FARS2: variants seen among roughly 807,000 people sequenced by gnomAD.
The protein encoded by FARS2 is phenylalanyl-tRNA synthetase 2, mitochondrial, also known as phenylalanine--tRNA ligase, mitochondrial.
FARS2 carries 40 observed loss-of-function variants against 46.4 expected under a neutral mutation model. The observed-to-expected ratio is 0.86, with a 90% confidence interval of 0.67 to 1.12. The LOEUF (loss-of-function observed/expected upper bound fraction) is 1.12, where lower values mean the gene tolerates loss of function less well. FARS2 is among the 50% of genes most tolerant of loss of function. The pLI is 0.00. For missense variants in FARS2, 513 were observed against 567.9 expected, an observed-to-expected ratio of 0.90 and a Z score of 0.98; for synonymous variants, 234 against 214.9, an observed-to-expected ratio of 1.09 and a Z score of -0.78.
At chr6:5,639,140 C>G (rs531888507) in intron 6 of FARS2, among the ~76,000 whole-genome samples, 1 of 152,376 alleles carries the variant, frequency 6.6e-6, no homozygotes, top group Admixed American at 6.5e-5. Context: ...CTCTGAGCCA[C>G]TGATGTAATA....
chr6:5,414,811 GTTTTTTTTTTT>G (rs35210878), intron 3 of FARS2, among the ~76,000 whole-genome samples: 3,052 of 86,778 alleles, frequency 0.035, 63 homozygotes, highest in South Asian at 0.13. Context: ...GTATATGACT[GTTTTTTTTTTT>G]TTTTTTTTTT....
chr6:5,699,216 C>A (rs1334159690), intron 6 of FARS2, among the ~76,000 whole-genome samples: 1 of 152,188 alleles, frequency 6.6e-6, no homozygotes, highest in East Asian at 1.9e-4. Context: ...TTCTCAAGCC[C>A]TTCTCTTGTT....
chr6:5,771,369 C>A lies in FARS2; in HGVS notation c.1296C>A (p.His432Gln). 6.2e-7 allele frequency: 1 copy of A among 1,614,252 alleles called. No individual in the cohort carries two copies. Among genetic ancestry groups the A allele is most frequent in the Non-Finnish European group, 8.5e-7 (1 of 1,180,040 alleles). ...CTCTGTCCCAGAGAGAGGTCAGGCACATCCACCAGGCCTTGCAGGAGGCTG... is the reference window on the plus strand; with the variant it reads ...CTCTGTCCCAGAGAGAGGTCAGGCAAATCCACCAGGCCTTGCAGGAGGCTG... The part of the protein sequence containing the change: ...ERTLSQREVR[H>Q]IHQALQEAAV... The change falls in exon 7 of 7, where the codon CAC becomes CAA. Residue 432 changes from histidine (H) to glutamine (Q), a missense_variant. Coordinates refer to ENST00000274680, the MANE Select transcript of FARS2 (RefSeq NM_006567.5).
At chr6:5,445,558 A>G (rs996214377) in intron 4 of FARS2, among the ~76,000 whole-genome samples, 4 of 152,220 alleles carry the variant, frequency 2.6e-5, no homozygotes, top group Admixed American at 1.3e-4. Flanking sequence ...GTGATTCTTA[A>G]TTGGTATAAT....
chr6:5,645,713 G>T (rs938057596), intron 6 of FARS2, among the ~76,000 whole-genome samples: 1 of 152,200 alleles, frequency 6.6e-6, no homozygotes, highest in African/African-American at 2.4e-5. Context: ...TCCTGCTTTT[G>T]TCTTGGCAAA....
chr6:5,681,042 A>C (rs1257439108), intron 6 of FARS2, among the ~76,000 whole-genome samples: 3 of 152,216 alleles, frequency 2.0e-5, no homozygotes, highest in Non-Finnish European at 4.4e-5. Context: ...GTTGAGTGTA[A>C]ATCTCCAAGT....
chr6:5,653,415 A>T (rs1304389203), intron 6 of FARS2, among the ~76,000 whole-genome samples: 18 of 152,216 alleles, frequency 1.2e-4, no homozygotes, highest in Admixed American at 1.3e-4. Flanking sequence ...ATTCAGACCC[A>T]CAAGTATTTA....
chr6:5,731,362 C>T (rs185367799), intron 6 of FARS2, among the ~76,000 whole-genome samples: 11 of 152,188 alleles, frequency 7.2e-5, no homozygotes, highest in African/African-American at 2.7e-4. Context: ...TATAGCCCTC[C>T]AGACTCTCCT....
chr6:5,367,026 G>A (rs1561988346), intron 1 of FARS2, among the ~76,000 whole-genome samples: 1 of 152,176 alleles, frequency 6.6e-6, no homozygotes, highest in Non-Finnish European at 1.5e-5. Flanking sequence ...GAGTTCCTGG[G>A]TATCTTTGAA....
intron 5 of FARS2, among the ~76,000 whole-genome samples, chr6:5,571,287 G>T (rs1354408365): frequency 6.6e-6 from 1 of 152,180 alleles, no homozygotes; most frequent in Non-Finnish European, 1.5e-5. Context: ...TTTCATTTTG[G>T]TCTAGCTTAA....
chr6:5,406,813 G>A (rs1038161432), intron 3 of FARS2, among the ~76,000 whole-genome samples: 9 of 151,186 alleles, frequency 6.0e-5, no homozygotes, highest in South Asian at 4.2e-4. Context: ...AAACTGCTAA[G>A]CTATTATCTG....
upstream of FARS2, among the ~76,000 whole-genome samples, chr6:5,260,439 C>A (rs1165276026): frequency 6.6e-6 from 1 of 152,248 alleles, no homozygotes; most frequent in South Asian, 2.1e-4. Flanking sequence ...AACGTCTCCC[C>A]TGGTAGAAAG....
chr6:5,302,539 A>T (rs1373093184), intron 1 of FARS2, among the ~76,000 whole-genome samples: 5 of 152,224 alleles, frequency 3.3e-5, no homozygotes, highest in Non-Finnish European at 7.3e-5. Flanking sequence ...TTACTTGCAC[A>T]CTGAATCCTC....
intron 6 of FARS2, among the ~76,000 whole-genome samples, chr6:5,711,942 G>A (rs190762913): frequency 2.0e-5 from 3 of 152,234 alleles, no homozygotes; most frequent in African/African-American, 7.2e-5. Flanking sequence ...AATATCAGGG[G>A]AACCTCAGTG....
intron 1 of FARS2, among the ~76,000 whole-genome samples, chr6:5,319,161 G>T (rs991266271): frequency 6.6e-6 from 1 of 152,166 alleles, no homozygotes; most frequent in Middle Eastern, 3.4e-3. Flanking sequence ...TCAGGAAGTT[G>T]TTATACTGTC....
the FARS2 span, among the ~76,000 whole-genome samples, chr6:5,253,576 T>C: frequency 6.6e-6 from 1 of 152,290 alleles, no homozygotes; most frequent in Non-Finnish European, 1.5e-5. Context: ...TCATTTGGCC[T>C]AGGAACTGCT....
At chr6:5,332,777 G>T (rs1770885232) in intron 1 of FARS2, among the ~76,000 whole-genome samples, 1 of 152,188 alleles carries the variant, frequency 6.6e-6, no homozygotes, top group Non-Finnish European at 1.5e-5. Flanking sequence ...TGCCCAGGGG[G>T]TTAGTGATGA....
In FARS2 at chr6:5,560,308, A is replaced by G. The variant is rs371918111; in HGVS notation, c.1065+14968A>G. ...ATGCTAAAATTTATTAAATCTGTCT[A>G]TATATTTCGAGATGATCTTATGATT... On this transcript the variant is annotated intron_variant, in intron 5 of 6. Coordinates refer to ENST00000274680, the MANE Select transcript of FARS2 (RefSeq NM_006567.5). 2.6e-4 allele frequency among the ~76,000 whole-genome samples: 40 copies of G among 152,226 alleles called. No individual in the cohort carries two copies. In the South Asian group the frequency reaches 6.4e-3, roughly 24 times the overall value.
chr6:5,477,536 A>G (rs1418813738), intron 4 of FARS2, among the ~76,000 whole-genome samples: 1 of 152,180 alleles, frequency 6.6e-6, no homozygotes, highest in Non-Finnish European at 1.5e-5. Flanking sequence ...GACATATAAC[A>G]TAGTGATTAG....
Sources: gnomAD v4.1 joint callset for allele counts (sites outside exome capture counted in the v4.1 genomes callset) on GRCh38, gnomAD v4.1.1 for gene constraint, MANE v1.5 for transcripts, NCBI Gene and HGNC (gene_info 2026-07-23, HGNC 2026-07-21) for gene names.